The following ADGRB3 variants were observed in gnomAD, a reference collection of about 807,000 sequenced individuals.
ADGRB3 encodes the protein adhesion G protein-coupled receptor B3, also known as brain-specific angiogenesis inhibitor 3.
Under a neutral mutation model 193.4 loss-of-function variants are expected in ADGRB3, and 37 were observed. The ratio of observed to expected loss-of-function variants is 0.19; its 90% CI spans 0.15 to 0.25. ADGRB3 has a LOEUF of 0.25. Among genes scored for constraint, ADGRB3 ranks in the 10% least tolerant of loss-of-function variants. The probability of loss-of-function intolerance (pLI) is 1.00; values close to 1 mark genes in which losing one functional copy is unlikely to be tolerated. For synonymous variants in ADGRB3, 690 were observed against 644.2 expected (o/e 1.07, Z -1.08); for missense variants, 1,637 against 1,852.9 (o/e 0.88, Z 2.14).
intron 3 of ADGRB3, among the ~76,000 whole-genome samples, chr6:68,832,813 T>A (rs1767979944): frequency 6.6e-6 from 1 of 152,146 alleles, no homozygotes; most frequent in Admixed American, 6.5e-5. Context: ...ATGAATTCAT[T>A]TATATCTCTG....
chr6:69,229,290 T>C (rs1023354085), intron 17 of ADGRB3, among the ~76,000 whole-genome samples: 3 of 152,158 alleles, frequency 2.0e-5, no homozygotes, highest in Admixed American at 6.5e-5. Flanking sequence ...CCAAAAGCCA[T>C]ATATACATCA....
intron 3 of ADGRB3, among the ~76,000 whole-genome samples, chr6:68,904,150 G>A (rs1176566492): frequency 1.3e-5 from 2 of 151,320 alleles, no homozygotes; most frequent in East Asian, 3.9e-4. Context: ...AGGGTGAAAG[G>A]GAGGTATTTG....
intron 17 of ADGRB3, among the ~76,000 whole-genome samples, chr6:69,176,666 C>T (rs1202925567): frequency 1.3e-5 from 2 of 152,244 alleles, no homozygotes; most frequent in Admixed American, 6.5e-5. Context: ...GGAGTCCTTC[C>T]TCCTTGATTT....
chr6:69,373,336 A>G (rs1312427966), intron 30 of ADGRB3, among the ~76,000 whole-genome samples: 1 of 152,012 alleles, frequency 6.6e-6, no homozygotes, highest in Non-Finnish European at 1.5e-5. Context: ...ATGTAGATCA[A>G]TGTTCTAGCT....
intron 3 of ADGRB3, among the ~76,000 whole-genome samples, chr6:68,867,319 C>G (rs1765324700): frequency 6.6e-6 from 1 of 152,194 alleles, no homozygotes; most frequent in Non-Finnish European, 1.5e-5. Flanking sequence ...GGGGTTCCAG[C>G]CCCATGCCTT....
At chr6:68,931,966 T>TA (rs1220986654) in intron 4 of ADGRB3, among the ~76,000 whole-genome samples, 1 of 152,200 alleles carries the variant, frequency 6.6e-6, no homozygotes, top group Non-Finnish European at 1.5e-5. Context: ...TTTTTATTTT[T>TA]ACTATTTGTT....
chr6:68,776,928 A>G (rs982441545), intron 3 of ADGRB3, among the ~76,000 whole-genome samples: 1 of 152,152 alleles, frequency 6.6e-6, no homozygotes, highest in Non-Finnish European at 1.5e-5. Flanking sequence ...CTCTTTACAG[A>G]TCTTTAATTA....
chr6:68,833,115 A>G (rs186057169), intron 3 of ADGRB3, among the ~76,000 whole-genome samples: 56 of 152,286 alleles, frequency 3.7e-4, no homozygotes, highest in African/African-American at 1.2e-3. Context: ...AACCACATCC[A>G]TTCTTTATAG....
chr6:69,021,468 A>C (rs1013132081), intron 13 of ADGRB3, among the ~76,000 whole-genome samples: 1 of 151,900 alleles, frequency 6.6e-6, no homozygotes, highest in Non-Finnish European at 1.5e-5. Flanking sequence ...TTTTCTAGTT[A>C]CTGGATTAGA....
At chr6:68,789,604 A>T (rs1192493020) in intron 3 of ADGRB3, among the ~76,000 whole-genome samples, 1 of 152,030 alleles carries the variant, frequency 6.6e-6, no homozygotes, top group Non-Finnish European at 1.5e-5. Context: ...CCTTCATTTC[A>T]ACTGGTGAAT....
At chr6:68,990,809 A>G (rs971503508) in intron 10 of ADGRB3, among the ~76,000 whole-genome samples, 7 of 152,194 alleles carry the variant, frequency 4.6e-5, no homozygotes, top group Non-Finnish European at 8.8e-5. Flanking sequence ...GCAGTCAGAC[A>G]TTAATTATTT....
Position 69,181,499 on chromosome 6 carries a change from T to C in ADGRB3, c.2481-51791T>C, listed in dbSNP as rs758496115. 4.6e-5 allele frequency among the ~76,000 whole-genome samples: 7 copies of C among 152,278 alleles called. No homozygotes were observed. In the East Asian group the frequency reaches 1.2e-3, roughly 25 times the overall value. Reference sequence around the variant, plus strand: ...ATCTGAGACGGTAAGACATATAGAATTGGAAATACTTATAATTATATTACC... The same window carrying C: ...ATCTGAGACGGTAAGACATATAGAACTGGAAATACTTATAATTATATTACC... On this transcript the variant is annotated intron_variant, in intron 17 of 31. Coordinates refer to ENST00000370598, the MANE Select transcript of ADGRB3 (RefSeq NM_001704.3).
chr6:69,327,383 A>G (rs1264001711), intron 21 of ADGRB3, among the ~76,000 whole-genome samples: 1 of 152,188 alleles, frequency 6.6e-6, no homozygotes, highest in Non-Finnish European at 1.5e-5. Context: ...CTGTCTTATT[A>G]TAAGTACAGC....
intron 17 of ADGRB3, among the ~76,000 whole-genome samples, chr6:69,176,352 G>A (rs1775422816): frequency 6.6e-6 from 1 of 152,156 alleles, no homozygotes; most frequent in African/African-American, 2.4e-5. Flanking sequence ...ATAAAGGGAT[G>A]TTAGATTTTA....
At chr6:68,731,657 C>T (rs1765778608) in intron 3 of ADGRB3, among the ~76,000 whole-genome samples, 1 of 151,314 alleles carries the variant, frequency 6.6e-6, no homozygotes, top group Non-Finnish European at 1.5e-5. Flanking sequence ...TAGTTTAAAA[C>T]AGACAATGAC....
At chr6:69,213,651 G>A (rs1765713752) in intron 17 of ADGRB3, among the ~76,000 whole-genome samples, 2 of 151,874 alleles carry the variant, frequency 1.3e-5, no homozygotes, top group African/African-American at 4.8e-5. Context: ...ATACACTCCT[G>A]GCTCCTTCCT....
chr6:69,093,495 A>G (rs567704687), intron 17 of ADGRB3, among the ~76,000 whole-genome samples: 1 of 150,642 alleles, frequency 6.6e-6, no homozygotes, highest in South Asian at 2.1e-4. Context: ...AACTTTGTTC[A>G]TAGATAGAGT....
chr6:69,116,521 T>A (rs3799038), intron 17 of ADGRB3, among the ~76,000 whole-genome samples: 68,921 of 151,940 alleles, frequency 0.45, 16,637 homozygotes, highest in East Asian at 0.9. Flanking sequence ...TTGTGTGAAA[T>A]AAAATTTTCT....
intron 3 of ADGRB3, among the ~76,000 whole-genome samples, chr6:68,920,843 A>C (rs1430366295): frequency 1.3e-5 from 2 of 152,194 alleles, no homozygotes; most frequent in East Asian, 1.9e-4. Context: ...CAATGTACAA[A>C]TGTAATGGTT....
Sources: gnomAD v4.1 joint callset for allele counts (sites outside exome capture counted in the v4.1 genomes callset) on GRCh38, gnomAD v4.1.1 for gene constraint, MANE v1.5 for transcripts, NCBI Gene and HGNC (gene_info 2026-07-23, HGNC 2026-07-21) for gene names.